The following ADGRA3 variants were observed in gnomAD, a reference collection of about 807,000 sequenced individuals.
ADGRA3 encodes the protein G-protein coupled receptor 125.
Under a neutral mutation model 119.8 loss-of-function variants are expected in ADGRA3, and 56 were observed. The observed-to-expected ratio is 0.47, with a 90% CI of 0.38 to 0.58. The LOEUF (loss-of-function observed/expected upper bound fraction) is 0.58. ADGRA3 is among the 20% of genes least tolerant of loss of function. ADGRA3 has a pLI of 0.00. For synonymous variants in ADGRA3, 607 were observed against 623.8 expected (o/e 0.97, Z 0.40); for missense variants, 1,516 against 1,649.0 (o/e 0.92, Z 1.40).
intron 10 of ADGRA3, among the ~76,000 whole-genome samples, chr4:22,428,412 C>A (rs1442832949): frequency 6.6e-6 from 1 of 151,760 alleles, no homozygotes; most frequent in East Asian, 1.9e-4. Context: ...TTAAGCAATT[C>A]ATGGAGTTTT....
At chr4:22,472,493 T>G (rs546793975) in intron 2 of ADGRA3, among the ~76,000 whole-genome samples, 45 of 152,180 alleles carry the variant, frequency 3.0e-4, no homozygotes, top group Non-Finnish European at 4.7e-4. Context: ...AATAAAGTGC[T>G]ACTACCGTGC....
At chr4:22,513,143 C>CTTTT (rs142313161) in intron 1 of ADGRA3, among the ~76,000 whole-genome samples, 2 of 133,498 alleles carry the variant, frequency 1.5e-5, no homozygotes, top group African/African-American at 2.8e-5. Flanking sequence ...CAACTTTCCT[C>CTTTT]TTTTTTTTTT....
intron 12 of ADGRA3, among the ~76,000 whole-genome samples, chr4:22,419,041 T>C (rs956486672): frequency 2.0e-5 from 3 of 151,944 alleles, no homozygotes; most frequent in African/African-American, 7.3e-5. Flanking sequence ...CAATACAGGA[T>C]GGGAGTCCGA....
intron 14 of ADGRA3, among the ~76,000 whole-genome samples, chr4:22,407,971 A>C (rs1448065009): frequency 2.6e-5 from 4 of 152,144 alleles, no homozygotes; most frequent in Admixed American, 6.5e-5. Flanking sequence ...TAAGGGAATA[A>C]AGAATTATAA....
At chr4:22,485,333 G>C (rs907680008) in intron 1 of ADGRA3, among the ~76,000 whole-genome samples, 1 of 152,096 alleles carries the variant, frequency 6.6e-6, no homozygotes, top group Non-Finnish European at 1.5e-5. Flanking sequence ...AGGATTACAG[G>C]TGTGAGCCAC....
At position 22,398,719 on chromosome 4, in the gene ADGRA3, G is replaced by A. The variant is rs148110844; in HGVS notation, c.2481+2712C>T. Among the ~76,000 whole-genome samples, 751 of 152,040 alleles carry A rather than the reference G, an allele frequency of 4.9e-3. 8 individuals carry two copies. Among genetic ancestry groups the A allele is most frequent in the African/African-American group, 0.017 (702 of 41,458 alleles). On this transcript the variant is annotated intron_variant, in intron 16 of 18. Coordinates refer to ENST00000334304, the MANE Select transcript of ADGRA3 (RefSeq NM_145290.4). ...ACTTAAAACTAATTTGTGCTTTTCT[G>A]CATTGCTATAATTCATTGGTTCTGA...
chr4:22,468,137 C>T (rs1717729154), intron 2 of ADGRA3, among the ~76,000 whole-genome samples: 1 of 152,164 alleles, frequency 6.6e-6, no homozygotes, highest in African/African-American at 2.4e-5. Context: ...CCTATGGTAT[C>T]CCAGGTTCAG....
At chr4:22,448,534 G>A (rs78731944) in intron 4 of ADGRA3, among the ~76,000 whole-genome samples, 2,124 of 152,230 alleles carry the variant, frequency 0.014, 48 homozygotes, top group African/African-American at 0.049. Flanking sequence ...CTTCTCCTCT[G>A]GAATCTGGGC....
chr4:22,490,550 T>C (rs1718588142), intron 1 of ADGRA3, among the ~76,000 whole-genome samples: 1 of 151,994 alleles, frequency 6.6e-6, no homozygotes, highest in African/African-American at 2.4e-5. Context: ...GTCCTGGGAG[T>C]GAGAGCAGAA....
chr4:22,412,728 A>C (rs1429038980), intron 14 of ADGRA3, among the ~76,000 whole-genome samples: 2 of 152,226 alleles, frequency 1.3e-5, no homozygotes, highest in Non-Finnish European at 2.9e-5. Context: ...GACAAAAATG[A>C]AATTATCATG....
chr4:22,477,455 T>C (rs1718089164), intron 1 of ADGRA3, among the ~76,000 whole-genome samples: 1 of 152,238 alleles, frequency 6.6e-6, no homozygotes, highest in South Asian at 2.1e-4. Context: ...AGCAAAGCTG[T>C]CAAACTTTGC....
chr4:22,509,401 G>C (rs948610462), intron 1 of ADGRA3, among the ~76,000 whole-genome samples: 1 of 151,840 alleles, frequency 6.6e-6, no homozygotes, highest in Non-Finnish European at 1.5e-5. Context: ...TACTCGGGGC[G>C]CTGAGGCAGG....
chr4:22,424,417 AAAATC>A (rs1715848204), intron 10 of ADGRA3, 65 bp from the exon 11 acceptor site: 5 of 1,539,562 alleles, frequency 3.2e-6, no homozygotes, highest in Non-Finnish European at 3.5e-6. Context: ...TCGTAGAATC[AAAATC>A]CTAATGGACA....
chr4:22,502,656 G>A (rs1719089631), intron 1 of ADGRA3, among the ~76,000 whole-genome samples: 4 of 151,440 alleles, frequency 2.6e-5, no homozygotes, highest in Middle Eastern at 3.4e-3. Context: ...AACTGGGAGA[G>A]AACTTCAAAA....
chr4:22,507,665 G>A (rs1451948192), intron 1 of ADGRA3, among the ~76,000 whole-genome samples: 1 of 152,152 alleles, frequency 6.6e-6, no homozygotes, highest in Non-Finnish European at 1.5e-5. Context: ...AGAAACAACA[G>A]GATTTTGAGG....
At chr4:22,434,730 T>C (rs891527163) in intron 10 of ADGRA3, among the ~76,000 whole-genome samples, 12 of 152,208 alleles carry the variant, frequency 7.9e-5, no homozygotes, top group African/African-American at 2.4e-4. Flanking sequence ...GTCAATTTTT[T>C]TCCCCTAAAA....
chr4:22,471,396 TACA>T (rs1717853943), intron 2 of ADGRA3, among the ~76,000 whole-genome samples: 1 of 151,978 alleles, frequency 6.6e-6, no homozygotes. Flanking sequence ...AAATAATAGG[TACA>T]ACAAACCCTC....
intron 1 of ADGRA3, among the ~76,000 whole-genome samples, chr4:22,500,438 ACGAT>A (rs1719012973): frequency 7.0e-6 from 1 of 143,206 alleles, no homozygotes; most frequent in Admixed American, 7.1e-5. Context: ...CACCTAGAAC[ACGAT>A]CAACATTCCA....
chr4:22,421,634 C>G (rs1026656), intron 11 of ADGRA3, among the ~76,000 whole-genome samples: 102,674 of 151,982 alleles, frequency 0.68, 35,674 homozygotes, highest in Non-Finnish European at 0.77. Flanking sequence ...AAAAGGAAGA[C>G]AGATGTTAAT....
Sources: gnomAD v4.1 joint callset for allele counts (sites outside exome capture counted in the v4.1 genomes callset) on GRCh38, gnomAD v4.1.1 for gene constraint, MANE v1.5 for transcripts, NCBI Gene and HGNC (gene_info 2026-07-23, HGNC 2026-07-21) for gene names.